FTO: variants seen among roughly 807,000 people sequenced by gnomAD.
FTO encodes the protein alpha-ketoglutarate-dependent dioxygenase FTO.
Under a neutral mutation model 63.9 loss-of-function variants are expected in FTO, and 47 were observed. The ratio of observed to expected loss-of-function variants is 0.74; its 90% CI spans 0.58 to 0.94. FTO has a LOEUF of 0.94. FTO is among the 40% of genes least tolerant of loss of function. The pLI is 0.00. For missense variants in FTO, 562 were observed against 618.1 expected (o/e 0.91, Z 0.96); for synonymous variants, 207 against 224.4 (o/e 0.92, Z 0.69).
chr16:54,015,276 T>G (rs1424813190), intron 8 of FTO, among the ~76,000 whole-genome samples: 1 of 152,204 alleles, frequency 6.6e-6, no homozygotes, highest in Non-Finnish European at 1.5e-5. Context: ...ATGTAAAGTA[T>G]TAAACATCAA....
chr16:54,058,764 C>G (rs1342373569), intron 8 of FTO, among the ~76,000 whole-genome samples: 1 of 152,142 alleles, frequency 6.6e-6, no homozygotes, highest in African/African-American at 2.4e-5. Context: ...AATGATGGAA[C>G]AATTGGTTGT....
chr16:54,001,347 A>G (rs1329144933), intron 8 of FTO, among the ~76,000 whole-genome samples: 1 of 152,204 alleles, frequency 6.6e-6, no homozygotes, highest in Non-Finnish European at 1.5e-5. Context: ...AAGTCTGTGC[A>G]TGCCTCTCAG....
At chr16:54,060,305 T>C (rs1177799541) in intron 8 of FTO, among the ~76,000 whole-genome samples, 2 of 152,192 alleles carry the variant, frequency 1.3e-5, no homozygotes, top group Non-Finnish European at 2.9e-5. Context: ...ATGAAGAAGA[T>C]TGGATAAAAT....
intron 4 of FTO, among the ~76,000 whole-genome samples, chr16:53,872,429 A>G (rs1339299925): frequency 5.3e-5 from 8 of 152,170 alleles, no homozygotes; most frequent in Non-Finnish European, 1.0e-4. Flanking sequence ...TGTCTTCTCA[A>G]CTTGGCAAGA....
intron 1 of FTO, among the ~76,000 whole-genome samples, chr16:53,768,340 A>G (rs2077258438): frequency 6.6e-6 from 1 of 152,228 alleles, no homozygotes; most frequent in Non-Finnish European, 1.5e-5. Flanking sequence ...TTTGCAGTTA[A>G]AAGAGATAAT....
At chr16:53,737,724 T>C (rs576155847) in intron 1 of FTO, among the ~76,000 whole-genome samples, 1 of 152,312 alleles carries the variant, frequency 6.6e-6, no homozygotes, top group Non-Finnish European at 1.5e-5. Context: ...AACATGTTTA[T>C]TGGCTCCCTT....
chr16:54,078,355 A>ATTT (rs2086051033), intron 8 of FTO, among the ~76,000 whole-genome samples: 1 of 147,214 alleles, frequency 6.8e-6, no homozygotes, highest in African/African-American at 2.5e-5. Flanking sequence ...ATAATTATAT[A>ATTT]TAATATTCTA....
At chr16:54,099,637 A>T (rs1380720929) in intron 8 of FTO, among the ~76,000 whole-genome samples, 2 of 152,180 alleles carry the variant, frequency 1.3e-5, no homozygotes, top group Non-Finnish European at 2.9e-5. Flanking sequence ...CATCACTATC[A>T]TTATGTAACT....
At chr16:53,867,545 A>G (rs952452769) in intron 4 of FTO, among the ~76,000 whole-genome samples, 12 of 149,266 alleles carry the variant, frequency 8.0e-5, no homozygotes, top group African/African-American at 2.5e-4. Flanking sequence ...GTACCTATGT[A>G]TGCTTATTTG....
chr16:54,056,902 T>C (rs1206238866), intron 8 of FTO, among the ~76,000 whole-genome samples: 2 of 152,210 alleles, frequency 1.3e-5, no homozygotes, highest in Non-Finnish European at 2.9e-5. Context: ...TACTGGCCAA[T>C]TACCACATGT....
chr16:53,819,692 CA>C (rs2078798706), intron 2 of FTO, among the ~76,000 whole-genome samples: 1 of 151,686 alleles, frequency 6.6e-6, no homozygotes, highest in South Asian at 2.1e-4. Flanking sequence ...TCTTCTTTTT[CA>C]AAAAGTTTAT....
At chr16:53,825,768 C>G (rs1430157080) in intron 2 of FTO, 96 bp from the exon 3 acceptor site, 4 of 1,452,456 alleles carry the variant, frequency 2.8e-6, no homozygotes, top group East Asian at 4.5e-5. Context: ...GTAGTCCCCC[C>G]ACAACTCCCC....
chr16:53,887,538 G>A (rs1374318577), intron 6 of FTO, among the ~76,000 whole-genome samples: 1 of 152,162 alleles, frequency 6.6e-6, no homozygotes, highest in Non-Finnish European at 1.5e-5. Flanking sequence ...TTCATCGGAA[G>A]GAAAGTCAAG....
At chr16:54,079,893 C>G (rs961573784) in intron 8 of FTO, among the ~76,000 whole-genome samples, 1 of 152,034 alleles carries the variant, frequency 6.6e-6, no homozygotes, top group Non-Finnish European at 1.5e-5. Context: ...TTTTTAGGAA[C>G]TAATTCACAT....
chr16:54,090,625 A>G lies in FTO; in HGVS notation c.1365-21137A>G, dbSNP rs149842634. ...TCATCGACAGTTACAAAGGCATCCA[A>G]TGAAAGATCTCATAATATGGAAAAC... On this transcript the variant is annotated intron_variant, in intron 8 of 8. Transcript: ENST00000471389. 2.1e-3 allele frequency among the ~76,000 whole-genome samples: 323 copies of G among 152,376 alleles called. 1 individual carries two copies. The highest frequency in any genetic ancestry group is 7.4e-3 in the African/African-American group (309 of 41,594).
At chr16:54,099,606 C>T (rs1271888008) in intron 8 of FTO, among the ~76,000 whole-genome samples, 5 of 152,122 alleles carry the variant, frequency 3.3e-5, no homozygotes, top group African/African-American at 1.2e-4. Flanking sequence ...CCTAAATGTT[C>T]GGCTGTCAAG....
intron 8 of FTO, among the ~76,000 whole-genome samples, chr16:54,029,148 A>G (rs886543035): frequency 1.3e-5 from 2 of 152,216 alleles, no homozygotes; most frequent in Admixed American, 6.5e-5. Context: ...CATGAAAACC[A>G]TATGGGAAAA....
intron 8 of FTO, among the ~76,000 whole-genome samples, chr16:53,987,731 C>T (rs899593868): frequency 1.1e-4 from 17 of 152,156 alleles, no homozygotes; most frequent in African/African-American, 2.2e-4. Context: ...AAGAAGCAGC[C>T]GAGATTCTAA....
intron 8 of FTO, among the ~76,000 whole-genome samples, chr16:54,065,831 C>A (rs1466739198): frequency 6.6e-6 from 1 of 152,198 alleles, no homozygotes; most frequent in Non-Finnish European, 1.5e-5. Context: ...TTACCCCAGC[C>A]TCCTTGGAGT....
Sources: gnomAD v4.1 joint callset for allele counts (sites outside exome capture counted in the v4.1 genomes callset) on GRCh38, gnomAD v4.1.1 for gene constraint, MANE v1.5 for transcripts, NCBI Gene and HGNC (gene_info 2026-07-23, HGNC 2026-07-21) for gene names.